The following VTI1A variants were observed in gnomAD, a reference collection of about 807,000 sequenced individuals.
The protein encoded by VTI1A is vesicle transport through interaction with t-SNAREs 1A, also known as vesicle transport through interaction with t-SNAREs homolog 1A.
A neutral mutation model predicts 34.9 loss-of-function variants in VTI1A; 22 were observed. That is an observed-to-expected ratio of 0.63 (90% CI 0.45 to 0.90). The LOEUF (loss-of-function observed/expected upper bound fraction) is 0.90, where lower values mean the gene tolerates loss of function less well. VTI1A is among the 40% of genes least tolerant of loss of function. The pLI is 0.00. For missense variants in VTI1A, 268 were observed against 275.6 expected, an observed-to-expected ratio of 0.97 and a Z score of 0.20; for synonymous variants, 87 against 97.3, an observed-to-expected ratio of 0.89 and a Z score of 0.62.
intron 7 of VTI1A, among the ~76,000 whole-genome samples, chr10:112,710,785 A>G (rs1466630459): frequency 1.3e-5 from 2 of 151,746 alleles, no homozygotes; most frequent in African/African-American, 4.8e-5. Context: ...GTCAGTCTGC[A>G]TTGTTGTCCA....
Position 112,656,521 on chromosome 10 carries a change from A to ATTTTTTTTT in VTI1A, c.428-11682_428-11674dup, listed in dbSNP as rs768159688. ...TACAGGAGCATACCACACCCAGATA[A>ATTTTTTTTT]TTTTTTTTTTTTTTTTTTTTTTTGA... On this transcript the variant is annotated intron_variant, in intron 5 of 7. Coordinates refer to ENST00000393077, the MANE Select transcript of VTI1A (RefSeq NM_145206.4). Among the ~76,000 whole-genome samples, 46 of 103,178 alleles carry ATTTTTTTTT rather than the reference A, an allele frequency of 4.5e-4. 1 individual carries two copies. Among genetic ancestry groups the ATTTTTTTTT allele is most frequent in the East Asian group, 1.4e-3 (4 of 2,936 alleles). The allele number at this position is 103,178 out of a possible 152,430, so 67.7% of individuals were successfully genotyped here.
chr10:112,448,930 C>T (rs1847113677), intron 1 of VTI1A: 1 of 152,236 alleles, frequency 6.6e-6, no homozygotes, highest in Non-Finnish European at 1.5e-5. Flanking sequence ...CCACTCATCT[C>T]CTGAAGTCCC....
At chr10:112,852,953 T>C in the VTI1A span, among the ~76,000 whole-genome samples, 2 of 152,028 alleles carry the variant, frequency 1.3e-5, no homozygotes, top group African/African-American at 4.8e-5. Context: ...TAATTTTTTT[T>C]TAATTGTATT....
intron 7 of VTI1A, among the ~76,000 whole-genome samples, chr10:112,785,083 C>A (rs748892839): frequency 7.2e-5 from 11 of 152,176 alleles, no homozygotes; most frequent in Non-Finnish European, 1.6e-4. Context: ...TAAACTTATA[C>A]AGAAAAAGAC....
At chr10:112,588,717 C>T (rs949193926) in intron 5 of VTI1A, among the ~76,000 whole-genome samples, 3 of 152,086 alleles carry the variant, frequency 2.0e-5, no homozygotes, top group Admixed American at 6.5e-5. Flanking sequence ...CTTGCAAGCC[C>T]GTATTCCTCA....
At chr10:112,825,021 T>C in the VTI1A span, 1 of 152,190 alleles carries the variant, frequency 6.6e-6, no homozygotes, top group Non-Finnish European at 1.5e-5. Flanking sequence ...GTGTGACCAG[T>C]AGAGCTACAC....
At chr10:112,737,870 G>T in intron 7 of VTI1A, 8 of 1,061,982 alleles carry the variant, frequency 7.5e-6, no homozygotes, top group Non-Finnish European at 5.7e-6. Flanking sequence ...TGATAGCTGA[G>T]CCGTAGGATC....
At chr10:112,642,222 C>A (rs537139025) in intron 5 of VTI1A, among the ~76,000 whole-genome samples, 2 of 152,092 alleles carry the variant, frequency 1.3e-5, no homozygotes, top group South Asian at 2.1e-4. Context: ...AATTTTTTTC[C>A]TAATGAGAAA....
rs35767517 is a variant in VTI1A, at chr10:112,757,045, CAA to C, written c.561-58230_561-58229del. Among the ~76,000 whole-genome samples, 295 of 131,580 alleles carry C rather than the reference CAA, an allele frequency of 2.2e-3. 1 individual carries two copies. Among genetic ancestry groups the C allele is most frequent in the African/African-American group, 4.4e-3 (162 of 36,882 alleles). 86.3% of individuals were successfully genotyped at this position (131,580 alleles called of 152,430 possible). On this transcript the variant is annotated intron_variant, in intron 7 of 7. Coordinates refer to ENST00000393077, the MANE Select transcript of VTI1A (RefSeq NM_145206.4). ...TGGGTGACAGAGTGAGACCTTGCCT[CAA>C]AAAAAAAAAAAAAAGATGCATCATT... is the stretch of plus-strand genomic sequence containing the variant.
At chr10:112,464,057 G>A (rs1295833257) in intron 2 of VTI1A, among the ~76,000 whole-genome samples, 1 of 152,142 alleles carries the variant, frequency 6.6e-6, no homozygotes, top group Non-Finnish European at 1.5e-5. Context: ...GGAGTGCAGT[G>A]GTGCAATCTC....
intron 5 of VTI1A, among the ~76,000 whole-genome samples, chr10:112,653,597 T>C (rs1303514720): frequency 6.6e-6 from 1 of 152,210 alleles, no homozygotes; most frequent in African/African-American, 2.4e-5. Flanking sequence ...TTAATAATAA[T>C]CGACTTCATG....
intron 7 of VTI1A, among the ~76,000 whole-genome samples, chr10:112,743,399 C>A (rs1233003219): frequency 6.6e-6 from 1 of 152,194 alleles, no homozygotes; most frequent in African/African-American, 2.4e-5. Flanking sequence ...TGGAGGTACT[C>A]GTAACAAAAG....
rs34974968 is a variant in VTI1A, at chr10:112,661,764, G to GT, written c.428-6433dup. ...ATGTATCTTTTTTTTCTGCTGTTAA[G>GT]TTTTTTTTTTTTTTTTTTTTTGAGA... is the stretch of plus-strand genomic sequence containing the variant. On this transcript the variant is annotated intron_variant, in intron 5 of 7. Transcript: ENST00000393077. Among the ~76,000 whole-genome samples the GT allele has an allele frequency of 7.9e-3, 834 of 105,920 alleles. 5 individuals carry two copies. Among genetic ancestry groups the GT allele is most frequent in the Non-Finnish European group, 0.01 (568 of 54,468 alleles). 69.5% of individuals were successfully genotyped at this position (105,920 alleles called of 152,430 possible).
intron 5 of VTI1A, chr10:112,548,872 A>G (rs532042439): frequency 7.3e-7 from 1 of 1,372,950 alleles, no homozygotes; most frequent in East Asian, 2.5e-5. Context: ...ACGGTGATCA[A>G]TCACTTTTTA....
rs985805442 is a variant in VTI1A, at chr10:112,529,575, C to A, written c.342+2411C>A. 2.3e-4 allele frequency among the ~76,000 whole-genome samples: 35 copies of A among 152,020 alleles called. 1 individual carries two copies. The highest frequency in any genetic ancestry group is 7.0e-4 in the African/African-American group (29 of 41,432). ...GCTTATAATTTATATAAGAAAAGGT[C>A]TTCTGCCTACAAATAAGTTTACTTC... On this transcript the variant is annotated intron_variant, in intron 4 of 7. Transcript: ENST00000393077.
At chr10:112,634,808 C>T (rs1846281951) in intron 5 of VTI1A, among the ~76,000 whole-genome samples, 1 of 152,174 alleles carries the variant, frequency 6.6e-6, no homozygotes. Context: ...TTCTAAAAGG[C>T]ATTTAAGCCT....
intron 7 of VTI1A, chr10:112,752,618 G>C (rs993182595): frequency 3.5e-5 from 34 of 979,606 alleles, no homozygotes; most frequent in Non-Finnish European, 3.9e-5. Context: ...GGCTGCCAGG[G>C]TTTTTATAAG....
chr10:112,815,001 GC>G (rs1293947108), intron 7 of VTI1A, among the ~76,000 whole-genome samples: 10 of 151,872 alleles, frequency 6.6e-5, no homozygotes, highest in Admixed American at 1.3e-4. Flanking sequence ...GATTTTCTGA[GC>G]CTCGAAAGCC....
chr10:112,679,870 A>G lies in VTI1A; in HGVS notation c.560+10872A>G, dbSNP rs933437424. Reference sequence around the variant, plus strand: ...GAAACCACACTCCCTGTCTCAAGCCATAGGGCAGTGGTTCCTATCCTGGAG... The same window carrying G: ...GAAACCACACTCCCTGTCTCAAGCCGTAGGGCAGTGGTTCCTATCCTGGAG... On this transcript the variant is annotated intron_variant, in intron 7 of 7. Transcript: ENST00000393077. Among the ~76,000 whole-genome samples, 9 of 152,198 alleles carry G rather than the reference A, an allele frequency of 5.9e-5. No individual in the cohort carries two copies. The East Asian group carries it at 7.7e-4, about 13-fold the overall frequency.
Sources: gnomAD v4.1 joint callset for allele counts (sites outside exome capture counted in the v4.1 genomes callset) on GRCh38, gnomAD v4.1.1 for gene constraint, MANE v1.5 for transcripts, NCBI Gene and HGNC (gene_info 2026-07-23, HGNC 2026-07-21) for gene names.